Variants in IFT172 observed in about 807,000 individuals in gnomAD.
IFT172 encodes intraflagellar transport 172.
IFT172 carries 164 observed loss-of-function variants against 248.9 expected under a neutral mutation model. That is an observed-to-expected ratio of 0.66 (90% CI 0.58 to 0.75). The LOEUF (loss-of-function observed/expected upper bound fraction) is 0.75. IFT172 is among the 30% of genes least tolerant of loss of function. The pLI is 0.00. For missense variants in IFT172, 1,950 were observed against 2,192.4 expected, an observed-to-expected ratio of 0.89 and a Z score of 2.21; for synonymous variants, 729 against 791.6, an observed-to-expected ratio of 0.92 and a Z score of 1.33.
chr2:27,472,023 G>C, intron 15 of IFT172: 2 of 578,276 alleles, frequency 3.5e-6, no homozygotes, highest in Admixed American at 6.1e-5. Flanking sequence ...GGGTGACAGA[G>C]TGAGACACTG....
intron 16 of IFT172, among the ~76,000 whole-genome samples, chr2:27,470,447 C>CTCT (rs1667477868): frequency 6.6e-6 from 1 of 152,160 alleles, no homozygotes; most frequent in Non-Finnish European, 1.5e-5. Flanking sequence ...TCTACCCATA[C>CTCT]ACACACACTC....
intron 11 of IFT172, 48 bp from the exon 12 acceptor site, chr2:27,477,660 T>C: frequency 8.0e-7 from 1 of 1,254,256 alleles, no homozygotes; most frequent in Non-Finnish European, 1.2e-6. Flanking sequence ...ATACCCAAGA[T>C]AATGCCGAAA....
intron 20 of IFT172, 35 bp from the exon 21 acceptor site, chr2:27,461,871 G>C: frequency 6.2e-7 from 1 of 1,611,260 alleles, no homozygotes; most frequent in Non-Finnish European, 8.5e-7. Flanking sequence ...AGGGACACCA[G>C]AAAGATATGA....
rs545781319 is a variant in IFT172 at position 27,478,166 on chromosome 2, G to A, written c.1006-10C>T. ...GGTTCTTCACAATCACCTTGGTAAA[G>A]GACAAGTGTGAGCCCCTTAGGCTTC... is the stretch of plus-strand genomic sequence containing the variant. On this transcript the variant is annotated splice_polypyrimidine_tract_variant and intron_variant, in intron 10 of 47. Coordinates refer to ENST00000260570, the MANE Select transcript of IFT172 (RefSeq NM_015662.3). 19 of 1,614,062 alleles carry A rather than the reference G, an allele frequency of 1.2e-5. No homozygotes were observed. The African/African-American group carries it at 2.4e-4, about 20-fold the overall frequency.
intron 18 of IFT172, among the ~76,000 whole-genome samples, chr2:27,463,906 C>A (rs1019302033): frequency 6.6e-6 from 1 of 151,960 alleles, no homozygotes; most frequent in East Asian, 1.9e-4. Context: ...GAAGCAGAGG[C>A]CAAAAAACTT....
chr2:27,452,820 A>G lies in IFT172; in HGVS notation c.3951+564T>C, dbSNP rs549521064. On this transcript the variant is annotated intron_variant, in intron 35 of 47. Transcript: ENST00000260570. ...CCCATGTGGTCTACTGTTGACCAAA[A>G]CGTTGTTATATGGCATATGACTGTA... Among the ~76,000 whole-genome samples the G allele has an allele frequency of 2.0e-5, 3 of 152,296 alleles. No homozygotes were observed. The East Asian group carries it at 5.8e-4, about 29-fold the overall frequency.
chr2:27,474,859 GT>G (rs879793039), intron 14 of IFT172, among the ~76,000 whole-genome samples: 43 of 144,100 alleles, frequency 3.0e-4, no homozygotes, highest in East Asian at 2.4e-3. Context: ...GCCTCAAACT[GT>G]TTTTTTTTTT....
chr2:27,446,135 G>C (rs1323057424), intron 43 of IFT172, 125 bp downstream of exon 43: 22 of 1,312,756 alleles, frequency 1.7e-5, no homozygotes, highest in African/African-American at 3.6e-5. Context: ...GAAGACATAG[G>C]AGGACTACAT....
chr2:27,471,210 G>T, intron 15 of IFT172, 115 bp from the exon 16 acceptor site: 1 of 994,446 alleles, frequency 1.0e-6, no homozygotes, highest in Non-Finnish European at 1.5e-6. Flanking sequence ...TCAGGTTCAT[G>T]CTGCATTTCA....
intron 35 of IFT172, among the ~76,000 whole-genome samples, chr2:27,450,820 AT>A (rs764420206): frequency 6.6e-5 from 10 of 152,042 alleles, no homozygotes; most frequent in African/African-American, 9.7e-5. Context: ...CAAACTCCTG[AT>A]CCTCAAGTGA....
At position 27,472,510 on chromosome 2, in the gene IFT172, A is replaced by G. The variant is rs544772808; in HGVS notation, c.1412-148T>C. On this transcript the variant is annotated intron_variant, in intron 14 of 47. Transcript: ENST00000260570. Reference sequence around the variant, plus strand: ...TGTTTAACTATGTTGTTAACTCAAAAGGTCCAGACCCACAGAAATGTCATC... The same window carrying G: ...TGTTTAACTATGTTGTTAACTCAAAGGGTCCAGACCCACAGAAATGTCATC... 158 of 635,002 alleles carry G rather than the reference A, an allele frequency of 2.5e-4. 1 individual carries two copies. Among genetic ancestry groups the G allele is most frequent in the African/African-American group, 1.8e-3 (97 of 54,850 alleles). The allele number at this position is 635,002 out of a possible 1,614,324, so 39.3% of individuals were successfully genotyped here. A position where few individuals can be genotyped will look rare whatever the true frequency, so the allele number is the denominator to read the frequency against.
intron 35 of IFT172, among the ~76,000 whole-genome samples, chr2:27,450,949 C>CTT (rs540664992): frequency 0.052 from 7,523 of 145,216 alleles, 704 homozygotes; most frequent in African/African-American, 0.18. Flanking sequence ...TTATTTTTAC[C>CTT]TGTTTTTTTT....
chr2:27,478,187 G>T, intron 10 of IFT172, 31 bp from the exon 11 acceptor site: 1 of 1,612,440 alleles, frequency 6.2e-7, no homozygotes, highest in Non-Finnish European at 8.5e-7. Context: ...AGCCCCTTAG[G>T]CTTCCCCAGC....
Position 27,454,098 on chromosome 2 carries a change from C to T in IFT172, c.3595G>A (p.Val1199Ile), listed in dbSNP as rs772665705. Reference sequence around the variant, plus strand: ...GCCTGTCCCACAAGCACCTCGGCGACACTGTCAGGGTCGTGAGCCTCAGCC... The same window carrying T: ...GCCTGTCCCACAAGCACCTCGGCGATACTGTCAGGGTCGTGAGCCTCAGCC... The part of the protein sequence containing the change: ...RVAEAHDPDS[V>I]AEVLVGQARG... Residue 1199 changes from valine to isoleucine, a missense_variant, in exon 33 of 48, where the codon GTC becomes ATC. By Grantham distance (29) the Val-to-Ile change is conservative (BLOSUM62 3). Around this residue, in one of 3 missense-constraint regions of IFT172, gnomAD observed 620 missense variants for 699.0 expected, o/e 0.89. Coordinates refer to ENST00000260570, the MANE Select transcript of IFT172 (RefSeq NM_015662.3). This position sits in a 1 kb window ranked among gnomAD's most constrained non-coding sequence, Gnocchi z 4.2. 2 of 1,614,132 alleles carry T rather than the reference C, an allele frequency of 1.2e-6. No individual in the cohort carries two copies. The highest frequency in any genetic ancestry group is 1.7e-6 in the Non-Finnish European group (2 of 1,180,028).
intron 16 of IFT172, 152 bp from the exon 17 acceptor site, chr2:27,466,034 A>C: frequency 1.2e-6 from 1 of 828,148 alleles, no homozygotes; most frequent in Non-Finnish European, 1.9e-6. Context: ...TCTCAAGCAT[A>C]AAAAAATACT....
chr2:27,481,390 C>A (rs993438922), intron 7 of IFT172, 130 bp from the exon 8 acceptor site: 2 of 645,628 alleles, frequency 3.1e-6, no homozygotes, highest in Non-Finnish European at 2.7e-6. Context: ...TTTCCCTATC[C>A]CAACACATCC....
At chr2:27,457,429 G>A (rs574286603) in intron 29 of IFT172, among the ~76,000 whole-genome samples, 1 of 152,178 alleles carries the variant, frequency 6.6e-6, no homozygotes, top group Admixed American at 6.5e-5. Context: ...AAATTAGCCA[G>A]CTGTGGTGGT....
Position 27,459,227 on chromosome 2 carries a change from G to A in IFT172, c.2787+151C>T, listed in dbSNP as rs2148501103. 4 of 971,748 alleles carry A rather than the reference G, an allele frequency of 4.1e-6. No individual in the cohort carries two copies. In the East Asian group the frequency reaches 7.6e-5, roughly 18 times the overall value. 60.2% of individuals were successfully genotyped at this position (971,748 alleles called of 1,614,324 possible). A position where few individuals can be genotyped will look rare whatever the true frequency, so the allele number is the denominator to read the frequency against. On this transcript the variant is annotated intron_variant, in intron 25 of 47. Transcript: ENST00000260570. ...GTCACACTGGAATGAAAATGGGAAA[G>A]TAAACTGTTCTCTTCCCCTTCAAGG... is the stretch of plus-strand genomic sequence containing the variant.
At chr2:27,485,588 T>C in intron 1 of IFT172, 85 bp from the exon 2 acceptor site, 1 of 1,480,564 alleles carries the variant, frequency 6.8e-7, no homozygotes, top group Non-Finnish European at 9.3e-7. Flanking sequence ...TCTAGTGTAA[T>C]ACTGGTCAAT....
Sources: allele counts gnomAD v4.1 joint callset (sites outside exome capture counted in the v4.1 genomes callset), GRCh38; gene constraint gnomAD v4.1.1; regional missense constraint gnomAD v4.1.1; non-coding constraint Gnocchi (gnomAD v3.1); transcripts MANE v1.5; gene names NCBI Gene and HGNC (gene_info 2026-07-23, HGNC 2026-07-21).